Variants in SNX29 observed in about 807,000 individuals in gnomAD.
The protein encoded by SNX29 is sorting nexin-29.
SNX29 carries 78 observed loss-of-function variants against 102.1 expected under a neutral mutation model. The ratio of observed to expected loss-of-function variants is 0.76; its 90% CI spans 0.64 to 0.92. SNX29 has a LOEUF of 0.92. Ranked by LOEUF, SNX29 falls within the 40% of genes least tolerant of loss-of-function variation. The pLI is 0.00. For synonymous variants in SNX29, 580 were observed against 414.5 expected (o/e 1.40, Z -4.85); for missense variants, 1,280 against 1,061.7 (o/e 1.21, Z -2.86).
At chr16:12,168,049 G>T (rs991500662) in intron 13 of SNX29, among the ~76,000 whole-genome samples, 1 of 152,226 alleles carries the variant, frequency 6.6e-6, no homozygotes, top group African/African-American at 2.4e-5. Context: ...GGTTTCCACA[G>T]TGTCCCAGGC....
At chr16:12,104,427 A>G (rs1452697965) in intron 11 of SNX29, among the ~76,000 whole-genome samples, 3 of 152,106 alleles carry the variant, frequency 2.0e-5, no homozygotes, top group African/African-American at 7.2e-5. Context: ...GTGGTGGTGC[A>G]TGCCTGTAAT....
At chr16:11,996,657 C>T (rs748841760) in intron 1 of SNX29, among the ~76,000 whole-genome samples, 7 of 152,158 alleles carry the variant, frequency 4.6e-5, no homozygotes, top group African/African-American at 7.2e-5. Context: ...GTAGAGCTGT[C>T]GGGCTCACTC....
intron 16 of SNX29, among the ~76,000 whole-genome samples, chr16:12,380,123 C>T (rs1400683364): frequency 1.4e-5 from 2 of 142,494 alleles, no homozygotes; most frequent in Non-Finnish European, 3.0e-5. Flanking sequence ...GGAAGCTGCA[C>T]CAGCACATGA....
intron 20 of SNX29, among the ~76,000 whole-genome samples, chr16:12,538,542 G>A (rs1037087875): frequency 6.6e-6 from 1 of 152,162 alleles, no homozygotes; most frequent in Non-Finnish European, 1.5e-5. Context: ...GTGAGGTGAT[G>A]GGCTAGGAGG....
chr16:12,528,353 C>T (rs551016678), intron 20 of SNX29, among the ~76,000 whole-genome samples: 10 of 152,194 alleles, frequency 6.6e-5, no homozygotes, highest in Admixed American at 2.0e-4. Context: ...TGTGTCACCA[C>T]GCTCAGCTAA....
chr16:12,185,272 TGG>T (rs2076483101), intron 13 of SNX29, among the ~76,000 whole-genome samples: 1 of 152,130 alleles, frequency 6.6e-6, no homozygotes. Context: ...TTGGGGGAAC[TGG>T]AGGGTACTTG....
intron 13 of SNX29, among the ~76,000 whole-genome samples, chr16:12,170,796 CGT>C: frequency 6.6e-6 from 1 of 150,966 alleles, no homozygotes; most frequent in East Asian, 2.0e-4. Context: ...AGTGAGAGCA[CGT>C]GTGTGTGTAT....
intron 15 of SNX29, among the ~76,000 whole-genome samples, chr16:12,326,129 G>A (rs546636271): frequency 9.0e-4 from 137 of 151,924 alleles, no homozygotes; most frequent in African/African-American, 3.1e-3. Context: ...GGGTTCAAGC[G>A]ATTCTCGTGC....
At chr16:12,290,716 G>C (rs1596779851) in intron 15 of SNX29, among the ~76,000 whole-genome samples, 1 of 152,154 alleles carries the variant, frequency 6.6e-6, no homozygotes, top group Non-Finnish European at 1.5e-5. Flanking sequence ...CTCCTTTATG[G>C]GTAGCTTGGG....
intron 18 of SNX29, among the ~76,000 whole-genome samples, chr16:12,427,989 A>G (rs1332984483): frequency 6.6e-6 from 1 of 152,246 alleles, no homozygotes; most frequent in East Asian, 1.9e-4. Context: ...TTTTGCCTTT[A>G]AAGACACAGG....
chr16:12,539,100 A>C (rs868013610), intron 20 of SNX29, among the ~76,000 whole-genome samples: 1 of 152,184 alleles, frequency 6.6e-6, no homozygotes, highest in Non-Finnish European at 1.5e-5. Context: ...CCAGAGTCCT[A>C]CTTGCCTTTA....
chr16:12,379,249 A>G lies in SNX29; in HGVS notation c.1900-19197A>G, dbSNP rs143203018. Among the ~76,000 whole-genome samples, 4 of 152,326 alleles carry G rather than the reference A, an allele frequency of 2.6e-5. 1 individual carries two copies. The highest frequency in any genetic ancestry group is 3.4e-3 in the Middle Eastern group (1 of 294). ...CCTCCTGGGGTAAAATTATCCTCCC[A>G]CTTCAGGCTCCTAAATAGCTGTGAC... On this transcript the variant is annotated intron_variant, in intron 16 of 20. Coordinates refer to ENST00000566228, the MANE Select transcript of SNX29 (RefSeq NM_032167.5).
chr16:12,095,446 G>C (rs1230735518), intron 11 of SNX29: 2 of 152,164 alleles, frequency 1.3e-5, no homozygotes, highest in African/African-American at 4.8e-5. Context: ...TGTCCAGCGC[G>C]GTACCCCTTT....
At position 12,571,053 on chromosome 16, in the gene SNX29, A is replaced by G. The variant is rs1468773828; in HGVS notation, c.*2424A>G. Reference sequence around the variant, plus strand: ...GACCATCTCCTCTCATTCTCACTCTAAAAATGCTGGTGGCCCGCACATGAC... The same window carrying G: ...GACCATCTCCTCTCATTCTCACTCTGAAAATGCTGGTGGCCCGCACATGAC... On this transcript the variant is annotated 3_prime_UTR_variant, in exon 21 of 21. Transcript: ENST00000566228. 10 of 232,332 alleles carry G rather than the reference A, an allele frequency of 4.3e-5. No individual in the cohort carries two copies. The highest frequency in any genetic ancestry group is 3.9e-4 in the Admixed American group (7 of 17,750). 14.4% of individuals were successfully genotyped at this position (232,332 alleles called of 1,614,324 possible). A position where few individuals can be genotyped will look rare whatever the true frequency, so the allele number is the denominator to read the frequency against.
intron 20 of SNX29, among the ~76,000 whole-genome samples, chr16:12,553,266 G>T (rs147600042): frequency 1.3e-4 from 20 of 152,206 alleles, no homozygotes; most frequent in East Asian, 7.7e-4. Flanking sequence ...GACCACTGCC[G>T]CCTAGGGGCA....
At chr16:12,380,622 AC>A (rs2083058191) in intron 16 of SNX29, among the ~76,000 whole-genome samples, 1 of 99,096 alleles carries the variant, frequency 1.0e-5, no homozygotes, top group Non-Finnish European at 2.0e-5. Flanking sequence ...CCATCCATCC[AC>A]CCACCCACCA....
intron 1 of SNX29, among the ~76,000 whole-genome samples, chr16:11,989,233 A>G (rs1382148669): frequency 2.0e-5 from 3 of 152,106 alleles, no homozygotes; most frequent in Admixed American, 6.6e-5. Flanking sequence ...TTGGCCTCCC[A>G]AAGTGCTGGG....
chr16:12,066,751 G>T (rs1179949696), intron 9 of SNX29, among the ~76,000 whole-genome samples: 1 of 150,438 alleles, frequency 6.6e-6, no homozygotes, highest in Non-Finnish European at 1.5e-5. Flanking sequence ...GGATGGTGGG[G>T]TGGGGGCTGA....
intron 11 of SNX29, among the ~76,000 whole-genome samples, chr16:12,088,779 C>T (rs1308436420): frequency 2.0e-5 from 3 of 152,108 alleles, no homozygotes; most frequent in Non-Finnish European, 4.4e-5. Flanking sequence ...GACCCTTCCT[C>T]TACAAATAAA....
Sources: gnomAD v4.1 joint callset for allele counts (sites outside exome capture counted in the v4.1 genomes callset) on GRCh38, gnomAD v4.1.1 for gene constraint, MANE v1.5 for transcripts, NCBI Gene and HGNC (gene_info 2026-07-23, HGNC 2026-07-21) for gene names.